The following ADGRL2 variants were observed in gnomAD, a reference collection of about 807,000 sequenced individuals.
ADGRL2 encodes adhesion G protein-coupled receptor L2.
A neutral mutation model predicts 157.4 loss-of-function variants in ADGRL2; 44 were observed. That is an observed-to-expected ratio of 0.28 (90% CI 0.22 to 0.36). The LOEUF is 0.36. ADGRL2 is among the 10% of genes least tolerant of loss of function. The pLI, the probability that ADGRL2 is intolerant of heterozygous loss-of-function variation, is 1.00. For synonymous variants in ADGRL2, 585 were observed against 624.7 expected (o/e 0.94, Z 0.95); for missense variants, 1,510 against 1,768.9 (o/e 0.85, Z 2.63).
At chr1:81,764,542 T>A (rs185142967) in intron 2 of ADGRL2, among the ~76,000 whole-genome samples, 1 of 152,196 alleles carries the variant, frequency 6.6e-6, no homozygotes, top group African/African-American at 2.4e-5. Context: ...TCAGTTTACA[T>A]AAAATTATAA....
intron 2 of ADGRL2, among the ~76,000 whole-genome samples, chr1:81,549,794 A>G (rs80336691): frequency 0.016 from 2,476 of 152,288 alleles, 68 homozygotes; most frequent in African/African-American, 0.056. Flanking sequence ...TGTTACCCCA[A>G]GTGAGAAGCA....
At chr1:81,903,711 T>C (rs1425919614) in intron 2 of ADGRL2, among the ~76,000 whole-genome samples, 1 of 138,620 alleles carries the variant, frequency 7.2e-6, no homozygotes, top group African/African-American at 2.7e-5. Flanking sequence ...TATATATATA[T>C]TCATTATATA....
intron 3 of ADGRL2, among the ~76,000 whole-genome samples, chr1:81,684,548 T>G (rs1038848833): frequency 1.3e-5 from 2 of 152,182 alleles, no homozygotes; most frequent in African/African-American, 4.8e-5. Context: ...TTGTCAGACA[T>G]ATAGATCGTG....
intron 2 of ADGRL2, among the ~76,000 whole-genome samples, chr1:81,861,505 G>T (rs2093387209): frequency 6.6e-6 from 1 of 152,310 alleles, no homozygotes; most frequent in South Asian, 2.1e-4. Flanking sequence ...GTGTTACCGT[G>T]CAGTGTTATA....
intron 1 of ADGRL2, among the ~76,000 whole-genome samples, chr1:81,344,164 G>A (rs985495788): frequency 6.6e-6 from 1 of 152,090 alleles, no homozygotes; most frequent in Admixed American, 6.6e-5. Context: ...CGCCTCCCAG[G>A]TTCAAGCAAT....
At chr1:81,759,731 G>A (rs1034092683) in intron 1 of ADGRL2, among the ~76,000 whole-genome samples, 13 of 151,980 alleles carry the variant, frequency 8.6e-5, no homozygotes, top group Non-Finnish European at 1.9e-4. Flanking sequence ...TTCATGCTTG[G>A]ACATCTGTTT....
chr1:81,968,637 T>C (rs1657841573), intron 14 of ADGRL2, among the ~76,000 whole-genome samples: 1 of 152,226 alleles, frequency 6.6e-6, no homozygotes. Context: ...GCTTCTGGAA[T>C]ATGTCTCAGT....
intron 2 of ADGRL2, among the ~76,000 whole-genome samples, chr1:81,509,400 A>T (rs1370708349): frequency 4.0e-5 from 6 of 151,870 alleles, no homozygotes; most frequent in Non-Finnish European, 8.8e-5. Flanking sequence ...TTCCTGGCAC[A>T]TTCCTTTTAC....
chr1:81,385,912 T>C (rs748934766), intron 1 of ADGRL2, among the ~76,000 whole-genome samples: 1 of 152,072 alleles, frequency 6.6e-6, no homozygotes, highest in Non-Finnish European at 1.5e-5. Flanking sequence ...ATGAAAGGTC[T>C]TTAGAAACCA....
At chr1:81,586,169 T>C (rs981295154) in intron 3 of ADGRL2, 5 of 152,062 alleles carry the variant, frequency 3.3e-5, no homozygotes, top group African/African-American at 9.7e-5. Context: ...TCCAAATCTA[T>C]ATATTAGCCA....
intron 1 of ADGRL2, among the ~76,000 whole-genome samples, chr1:81,325,836 A>G (rs1482937921): frequency 6.6e-6 from 1 of 152,140 alleles, no homozygotes; most frequent in African/African-American, 2.4e-5. Flanking sequence ...GCTCAACCCC[A>G]AGGCTCACAG....
intron 23 of ADGRL2, chr1:81,989,705 C>G (rs1664188709): frequency 2.8e-5 from 45 of 1,610,638 alleles, no homozygotes; most frequent in Non-Finnish European, 3.6e-5. Flanking sequence ...TGTGAGTTGT[C>G]CAAAGTGAGT....
intron 2 of ADGRL2, among the ~76,000 whole-genome samples, chr1:81,566,454 C>T (rs762968514): frequency 1.5e-4 from 23 of 152,078 alleles, no homozygotes; most frequent in Non-Finnish European, 2.2e-4. Flanking sequence ...TGTAAATTAA[C>T]GTAATAAGTC....
chr1:81,662,904 C>T (rs879214382), intron 3 of ADGRL2, among the ~76,000 whole-genome samples: 2 of 152,118 alleles, frequency 1.3e-5, no homozygotes, highest in Non-Finnish European at 2.9e-5. Context: ...CCATCCCCAC[C>T]TTCCGCACTG....
intron 3 of ADGRL2, among the ~76,000 whole-genome samples, chr1:81,686,007 T>C (rs542435144): frequency 2.6e-5 from 4 of 152,314 alleles, no homozygotes; most frequent in African/African-American, 7.2e-5. Context: ...TGGTGGATTA[T>C]CTTTTTGATA....
chr1:81,848,836 A>C (rs1214292890), intron 2 of ADGRL2, among the ~76,000 whole-genome samples: 2 of 151,970 alleles, frequency 1.3e-5, no homozygotes, highest in Non-Finnish European at 2.9e-5. Context: ...AACCTGTAAC[A>C]ATTATAACAA....
rs193218655 is a variant in ADGRL2 at position 81,367,303 on chromosome 1, C to A, written c.-302+60794C>A. The stretch of plus-strand genomic sequence containing the variant: ...TAAAGTGTGCCATGGTGCTGTGCTG[C>A]AGGGATCAACCCATCACCCAGGTAT... On this transcript the variant is annotated intron_variant, in intron 1 of 24. Coordinates refer to the ADGRL2 transcript ENST00000370721. Among the ~76,000 whole-genome samples the A allele has an allele frequency of 3.7e-3, 565 of 152,258 alleles. 3 individuals are homozygous for A. Among genetic ancestry groups the A allele is most frequent in the African/African-American group, 0.012 (504 of 41,538 alleles).
chr1:81,622,660 C>T (rs1229778572), intron 3 of ADGRL2, among the ~76,000 whole-genome samples: 1 of 152,114 alleles, frequency 6.6e-6, no homozygotes. Flanking sequence ...GAGACAAAGG[C>T]AAGAAGATCA....
At chr1:81,407,476 CATT>C (rs1209102075) in intron 1 of ADGRL2, among the ~76,000 whole-genome samples, 12 of 152,330 alleles carry the variant, frequency 7.9e-5, no homozygotes, top group Admixed American at 2.6e-4. Context: ...TGTTACACAT[CATT>C]ATCATTCAGA....
Sources: allele counts gnomAD v4.1 joint callset (sites outside exome capture counted in the v4.1 genomes callset), GRCh38; gene constraint gnomAD v4.1.1; transcripts MANE v1.5; gene names NCBI Gene and HGNC (gene_info 2026-07-23, HGNC 2026-07-21).